Variants in TGFB2 observed in about 807,000 individuals in gnomAD.
The protein encoded by TGFB2 is transforming growth factor beta-2 proprotein.
A neutral mutation model predicts 42.7 loss-of-function variants in TGFB2; 13 were observed. That is an observed-to-expected ratio of 0.30 (90% CI 0.20 to 0.48). TGFB2 has a LOEUF of 0.48. Ranked by LOEUF, TGFB2 falls within the 20% of genes least tolerant of loss-of-function variation. TGFB2 has a pLI of 0.99. For synonymous variants in TGFB2, 193 were observed against 193.6 expected (o/e 1.00, Z 0.03); for missense variants, 390 against 517.5 (o/e 0.75, Z 2.39).
chr1:218,375,479 A>G (rs1232614839), intron 1 of TGFB2, among the ~76,000 whole-genome samples: 1 of 151,558 alleles, frequency 6.6e-6, no homozygotes. Context: ...TGGTTCTTCA[A>G]AAGAAGAAAT....
intron 2 of TGFB2, among the ~76,000 whole-genome samples, chr1:218,429,749 A>G (rs1337777778): frequency 6.6e-6 from 1 of 152,200 alleles, no homozygotes; most frequent in East Asian, 1.9e-4. Context: ...TGGCTTTCGG[A>G]GAAGAAACAG....
At chr1:218,347,169 C>T (rs1656715323) in intron 1 of TGFB2, 122 bp downstream of exon 1, 2 of 839,356 alleles carry the variant, frequency 2.4e-6, no homozygotes, top group Non-Finnish European at 3.8e-6. Flanking sequence ...TTCCCGTTCT[C>T]CTGTCCTTCA....
At chr1:218,441,122 AAT>A in intron 6 of TGFB2, 80 bp from the exon 7 acceptor site, 1 of 1,370,120 alleles carries the variant, frequency 7.3e-7, no homozygotes, top group South Asian at 1.3e-5. Context: ...GACTGCTAAC[AAT>A]GTGGAATTCT....
intron 2 of TGFB2, among the ~76,000 whole-genome samples, chr1:218,407,513 G>A (rs765541523): frequency 3.7e-4 from 56 of 152,174 alleles, no homozygotes; most frequent in East Asian, 1.7e-3. Context: ...TGGGCCAGCC[G>A]TTGCTCGTCG....
At chr1:218,407,780 C>A (rs1406058989) in intron 2 of TGFB2, among the ~76,000 whole-genome samples, 2 of 152,112 alleles carry the variant, frequency 1.3e-5, no homozygotes, top group African/African-American at 4.8e-5. Context: ...GTCCCTCCTG[C>A]CCCTCACCAC....
At chr1:218,408,347 A>C (rs1156453055) in intron 2 of TGFB2, among the ~76,000 whole-genome samples, 1 of 152,136 alleles carries the variant, frequency 6.6e-6, no homozygotes, top group Non-Finnish European at 1.5e-5. Context: ...TTTCTGAAGC[A>C]CCGGCTGCTC....
intron 5 of TGFB2, among the ~76,000 whole-genome samples, chr1:218,436,914 C>T (rs1215698116): frequency 6.6e-6 from 1 of 152,150 alleles, no homozygotes; most frequent in African/African-American, 2.4e-5. Flanking sequence ...AAGGAAAACG[C>T]CTTAGATGGT....
chr1:218,435,752 T>C (rs1037384053), intron 4 of TGFB2, among the ~76,000 whole-genome samples: 1 of 152,222 alleles, frequency 6.6e-6, no homozygotes, highest in Non-Finnish European at 1.5e-5. Context: ...CGAACTGCCT[T>C]CTGACAAGAG....
intron 2 of TGFB2, among the ~76,000 whole-genome samples, chr1:218,432,063 G>T (rs1316268448): frequency 6.6e-6 from 1 of 151,948 alleles, no homozygotes; most frequent in Non-Finnish European, 1.5e-5. Flanking sequence ...ATGTTTTCTT[G>T]ACTCAATAAC....
intron 2 of TGFB2, 61 bp from the exon 3 acceptor site, chr1:218,434,021 G>A: frequency 6.3e-7 from 1 of 1,598,964 alleles, no homozygotes; most frequent in South Asian, 1.1e-5. Flanking sequence ...TAATAGTTTT[G>A]GTTTAGTCAT....
intron 1 of TGFB2, among the ~76,000 whole-genome samples, chr1:218,366,420 C>T (rs560653741): frequency 5.3e-5 from 8 of 152,190 alleles, no homozygotes; most frequent in South Asian, 4.2e-4. Flanking sequence ...AATCCTCCCA[C>T]CCCAGCCTCC....
At chr1:218,358,253 A>G (rs968202980) in intron 1 of TGFB2, among the ~76,000 whole-genome samples, 9 of 152,310 alleles carry the variant, frequency 5.9e-5, no homozygotes, top group African/African-American at 2.2e-4. Context: ...TAAAATATTT[A>G]TTGTTGCCAA....
At chr1:218,405,544 C>A (rs1658885420) in intron 2 of TGFB2, 1 of 797,348 alleles carries the variant, frequency 1.3e-6, no homozygotes, top group African/African-American at 1.7e-5. Flanking sequence ...TTTTAAAAAA[C>A]TTTTTTTAGA....
chr1:218,419,526 T>A (rs183614840), intron 2 of TGFB2, among the ~76,000 whole-genome samples: 1 of 152,242 alleles, frequency 6.6e-6, no homozygotes, highest in Non-Finnish European at 1.5e-5. Flanking sequence ...TATCTCTACC[T>A]CTAGCCATAA....
intron 1 of TGFB2, among the ~76,000 whole-genome samples, chr1:218,401,530 G>T (rs142706020): frequency 6.6e-6 from 1 of 152,168 alleles, no homozygotes; most frequent in Non-Finnish European, 1.5e-5. Context: ...AAGGAAAATC[G>T]ATTTGATTGA....
chr1:218,427,200 A>G (rs1659651465), intron 2 of TGFB2, among the ~76,000 whole-genome samples: 1 of 152,192 alleles, frequency 6.6e-6, no homozygotes, highest in Admixed American at 6.5e-5. Context: ...TTGTATAGCC[A>G]TCACCACTAT....
In TGFB2 at chr1:218,422,509, C is replaced by T. The variant is rs1384825963; in HGVS notation, c.511-11573C>T. Among the ~76,000 whole-genome samples the T allele has an allele frequency of 3.9e-5, 6 of 152,160 alleles. No individual in the cohort carries two copies. In the East Asian group the frequency reaches 1.2e-3, roughly 29 times the overall value. ...GTGCTGAGATTACAGGCGTGAGGCACCACGCCTGGCCTTGTTCTCCCTTCT... is the reference window on the plus strand; with the variant it reads ...GTGCTGAGATTACAGGCGTGAGGCATCACGCCTGGCCTTGTTCTCCCTTCT... On this transcript the variant is annotated intron_variant, in intron 2 of 6. Transcript: ENST00000366930.
chr1:218,397,738 T>C lies in TGFB2; in HGVS notation c.347-7431T>C, dbSNP rs1012136634. Among the ~76,000 whole-genome samples the C allele has an allele frequency of 3.9e-5, 6 of 152,330 alleles. No individual in the cohort carries two copies. In the East Asian group the frequency reaches 1.2e-3, roughly 29 times the overall value. On this transcript the variant is annotated intron_variant, in intron 1 of 6. Coordinates refer to ENST00000366930, the MANE Select transcript of TGFB2 (RefSeq NM_003238.6). ...CCATACTCTTTAAGAAAGACTGTTA[T>C]ATAGGATCCATATATCCACTGCAAT... is the stretch of plus-strand genomic sequence containing the variant.
At chr1:218,375,915 T>C (rs1454088256) in intron 1 of TGFB2, among the ~76,000 whole-genome samples, 2 of 152,164 alleles carry the variant, frequency 1.3e-5, no homozygotes, top group Non-Finnish European at 2.9e-5. Flanking sequence ...ACCCCTGAAC[T>C]TAAGAAGTTG....
Sources: allele counts gnomAD v4.1 joint callset (sites outside exome capture counted in the v4.1 genomes callset), GRCh38; gene constraint gnomAD v4.1.1; transcripts MANE v1.5; gene names NCBI Gene and HGNC (gene_info 2026-07-23, HGNC 2026-07-21).